Variants in MAP3K5 observed in about 807,000 individuals in gnomAD.
MAP3K5 encodes ASK-1.
MAP3K5 carries 56 observed loss-of-function variants against 158.7 expected under a neutral mutation model. That is an observed-to-expected ratio of 0.35 (90% confidence interval 0.28 to 0.44). MAP3K5 has a LOEUF of 0.44. MAP3K5 is among the 20% of genes least tolerant of loss of function. MAP3K5 has a pLI of 1.00. For synonymous variants in MAP3K5, 579 were observed against 601.7 expected (o/e 0.96, Z 0.55); for missense variants, 1,294 against 1,674.8 (o/e 0.77, Z 3.97).
In MAP3K5 at chr6:136,729,907, T is replaced by C. The variant is rs576630712; in HGVS notation, c.449-9318A>G. The stretch of plus-strand genomic sequence containing the variant: ...ACAGGCAAAGAAAGAATTAAAGACG[T>C]TTCTGCTTTGAACGTCATAATTAAG... On this transcript the variant is annotated intron_variant, in intron 1 of 29. Transcript: ENST00000359015. 1.9e-3 allele frequency among the ~76,000 whole-genome samples: 291 copies of C among 152,290 alleles called. 2 individuals are homozygous for C. Among genetic ancestry groups the C allele is most frequent in the Middle Eastern group, 3.4e-3 (1 of 294 alleles).
intron 1 of MAP3K5, among the ~76,000 whole-genome samples, chr6:136,768,429 C>A (rs1229526546): frequency 2.0e-5 from 3 of 152,118 alleles, no homozygotes; most frequent in Non-Finnish European, 2.9e-5. Context: ...AAATGGCCAA[C>A]AAACACATGA....
chr6:136,691,579 C>T (rs1318482342), intron 7 of MAP3K5, among the ~76,000 whole-genome samples: 1 of 151,238 alleles, frequency 6.6e-6, no homozygotes, highest in East Asian at 1.9e-4. Context: ...CCACTGAACT[C>T]CAGCCTGGGC....
Position 136,637,424 on chromosome 6 carries a change from A to C in MAP3K5, c.1935-18T>G. On this transcript the variant is annotated intron_variant, in intron 13 of 29. Coordinates refer to ENST00000359015, the MANE Select transcript of MAP3K5 (RefSeq NM_005923.4). ...CAAAAAACCTACAATACAAGTTAGC[A>C]CGTGAGCATTCATAACACAAACAAT... 7.2e-7 allele frequency: 1 copy of C among 1,389,060 alleles called. No individual in the cohort carries two copies. The highest frequency in any genetic ancestry group is 1.0e-6 in the Non-Finnish European group (1 of 974,542). 86.0% of individuals were successfully genotyped at this position (1,389,060 alleles called of 1,614,324 possible). A position where few individuals can be genotyped will look rare whatever the true frequency, so the allele number is the denominator to read the frequency against.
chr6:136,597,865 A>G (rs1775702092), intron 21 of MAP3K5, among the ~76,000 whole-genome samples: 1 of 152,248 alleles, frequency 6.6e-6, no homozygotes, highest in Admixed American at 6.5e-5. Flanking sequence ...ACATATGGTT[A>G]TTAACACTGA....
At chr6:136,685,228 G>A (rs1345944371) in intron 7 of MAP3K5, among the ~76,000 whole-genome samples, 1 of 152,084 alleles carries the variant, frequency 6.6e-6, no homozygotes, top group African/African-American at 2.4e-5. Flanking sequence ...TGAGACAGGA[G>A]GATTGCTTGA....
chr6:136,730,961 A>C lies in MAP3K5; in HGVS notation c.449-10372T>G, dbSNP rs1782198597. Among the ~76,000 whole-genome samples the C allele has an allele frequency of 3.3e-5, 5 of 152,248 alleles. No homozygotes were observed. In the South Asian group the frequency reaches 1.0e-3, roughly 31 times the overall value. On this transcript the variant is annotated intron_variant, in intron 1 of 29. Coordinates refer to ENST00000359015, the MANE Select transcript of MAP3K5 (RefSeq NM_005923.4). ...ATTAAAAAGCATGCTATGTAGAAAC[A>C]ATGGATACTATACAGTAATGAGCAT...
In MAP3K5 at chr6:136,694,131, T is replaced by C. The variant is rs1381225194; in HGVS notation, c.1253+9A>G. 2.5e-6 allele frequency: 4 copies of C among 1,606,062 alleles called. No individual in the cohort carries two copies. The highest frequency in any genetic ancestry group is 2.2e-5 in the South Asian group (2 of 89,600). On this transcript the variant is annotated intron_variant, in intron 7 of 29. Coordinates refer to ENST00000359015, the MANE Select transcript of MAP3K5 (RefSeq NM_005923.4). The stretch of plus-strand genomic sequence containing the variant: ...AAGTAAGTAGCTCATTTATATACTA[T>C]TTACTTACCAAGAAGCTCCATGGTC...
rs890884189 is a variant in MAP3K5 at position 136,709,763 on chromosome 6, T to C, written c.589-4630A>G. On this transcript the variant is annotated intron_variant, in intron 2 of 29. Coordinates refer to ENST00000359015, the MANE Select transcript of MAP3K5 (RefSeq NM_005923.4). ...TTAGATTATGCTTGCAGATTGTGCC[T>C]GCAAACTATAAAAATCATTCCTGAG... Among the ~76,000 whole-genome samples, 3 of 152,346 alleles carry C rather than the reference T, an allele frequency of 2.0e-5. No individual in the cohort carries two copies. In the East Asian group the frequency reaches 5.8e-4, roughly 29 times the overall value.
At chr6:136,743,825 TACAG>T (rs1782818280) in intron 1 of MAP3K5, among the ~76,000 whole-genome samples, 1 of 152,132 alleles carries the variant, frequency 6.6e-6, no homozygotes, top group Non-Finnish European at 1.5e-5. Context: ...TAAACTGTGG[TACAG>T]ACAGACAATT....
chr6:136,617,182 TA>T (rs373610285), intron 15 of MAP3K5, among the ~76,000 whole-genome samples: 78 of 152,284 alleles, frequency 5.1e-4, no homozygotes, highest in African/African-American at 1.8e-3. Context: ...CCAACCTAGC[TA>T]AGGACAAGTA....
intron 11 of MAP3K5, among the ~76,000 whole-genome samples, chr6:136,644,504 C>A (rs144511234): frequency 5.3e-5 from 8 of 152,274 alleles, no homozygotes; most frequent in Non-Finnish European, 1.0e-4. Context: ...TTTCTAGGAA[C>A]GGGTTAGCCT....
chr6:136,609,688 G>A lies in MAP3K5; in HGVS notation c.2521+1594C>T, dbSNP rs982431805. 4.0e-5 allele frequency among the ~76,000 whole-genome samples: 6 copies of A among 151,728 alleles called. No homozygotes were observed. The highest frequency in any genetic ancestry group is 8.8e-5 in the Non-Finnish European group (6 of 67,976). On this transcript the variant is annotated intron_variant, in intron 18 of 29. Coordinates refer to ENST00000359015, the MANE Select transcript of MAP3K5 (RefSeq NM_005923.4). This position sits in a 1 kb window ranked among gnomAD's most constrained non-coding sequence, Gnocchi z 4.4. Reference sequence around the variant, plus strand: ...GCGTGCCTATGGTCCCAGCTACTAGGGAGGCTGAGGTAGGAGAATCACTTG... The same window carrying A: ...GCGTGCCTATGGTCCCAGCTACTAGAGAGGCTGAGGTAGGAGAATCACTTG...
chr6:136,710,352 C>T (rs1781256438), intron 2 of MAP3K5, among the ~76,000 whole-genome samples: 2 of 152,164 alleles, frequency 1.3e-5, no homozygotes. Context: ...AGATGCATTA[C>T]CCCACTACAA....
chr6:136,604,858 T>C (rs1776036474), intron 19 of MAP3K5, among the ~76,000 whole-genome samples: 1 of 152,192 alleles, frequency 6.6e-6, no homozygotes, highest in South Asian at 2.1e-4. Context: ...AAATGGATTA[T>C]AAAAAAAGTT....
At chr6:136,597,696 T>C (rs112495011) in intron 21 of MAP3K5, among the ~76,000 whole-genome samples, 5 of 152,344 alleles carry the variant, frequency 3.3e-5, no homozygotes, top group African/African-American at 9.6e-5. Flanking sequence ...AACTGAGGCA[T>C]AGCTATATTC....
chr6:136,587,000 T>C (rs1775168587), intron 23 of MAP3K5, among the ~76,000 whole-genome samples: 1 of 152,232 alleles, frequency 6.6e-6, no homozygotes, highest in Non-Finnish European at 1.5e-5. Context: ...TGTGAGTTAA[T>C]ACTTAATAAA....
chr6:136,705,155 A>G (rs1781018432), intron 2 of MAP3K5, 22 bp from the exon 3 acceptor site: 1 of 1,123,974 alleles, frequency 8.9e-7, no homozygotes, highest in East Asian at 2.6e-5. Context: ...GAAAAAAAAT[A>G]TACCACAAGT....
At chr6:136,741,120 T>C (rs1782688467) in intron 1 of MAP3K5, among the ~76,000 whole-genome samples, 1 of 152,162 alleles carries the variant, frequency 6.6e-6, no homozygotes, top group African/African-American at 2.4e-5. Flanking sequence ...ATGTAAGAAA[T>C]AATGAAACTA....
chr6:136,692,465 T>C (rs138417592), intron 7 of MAP3K5, among the ~76,000 whole-genome samples: 3 of 152,156 alleles, frequency 2.0e-5, no homozygotes, highest in Non-Finnish European at 4.4e-5. Flanking sequence ...CCAGGGAATG[T>C]CTTGAGGGAA....
Sources: allele counts gnomAD v4.1 joint callset (sites outside exome capture counted in the v4.1 genomes callset), GRCh38; gene constraint gnomAD v4.1.1; non-coding constraint Gnocchi (gnomAD v3.1); transcripts MANE v1.5; gene names NCBI Gene and HGNC (gene_info 2026-07-23, HGNC 2026-07-21).